TMEM132D: variants seen among roughly 807,000 people sequenced by gnomAD.
TMEM132D encodes transmembrane protein 132D, also known as mature OL transmembrane protein.
Under a neutral mutation model 62.3 loss-of-function variants are expected in TMEM132D, and 21 were observed. That is an observed-to-expected ratio of 0.34 (90% CI 0.24 to 0.49). The LOEUF (loss-of-function observed/expected upper bound fraction) is 0.49. TMEM132D is among the 20% of genes least tolerant of loss of function. TMEM132D has a pLI of 0.99. For missense variants in TMEM132D, 1,346 were observed against 1,402.8 expected (o/e 0.96, Z 0.65); for synonymous variants, 621 against 575.6 (o/e 1.08, Z -1.13).
intron 5 of TMEM132D, among the ~76,000 whole-genome samples, chr12:129,123,946 G>A (rs925075294): frequency 1.3e-5 from 2 of 152,038 alleles, no homozygotes; most frequent in South Asian, 2.1e-4. Flanking sequence ...CTCCACCACC[G>A]GCTTTCCAGG....
At chr12:129,189,493 G>C (rs1386907608) in intron 5 of TMEM132D, among the ~76,000 whole-genome samples, 1 of 152,102 alleles carries the variant, frequency 6.6e-6, no homozygotes, top group Admixed American at 6.5e-5. Context: ...TACCCTCCGG[G>C]GTCACTGCCA....
chr12:129,679,369 T>C (rs1880723936), intron 2 of TMEM132D, among the ~76,000 whole-genome samples: 1 of 152,122 alleles, frequency 6.6e-6, no homozygotes, highest in African/African-American at 2.4e-5. Flanking sequence ...TAACACAGGA[T>C]ACCCCTTCAA....
At chr12:129,381,170 C>A (rs1870940856) in intron 3 of TMEM132D, among the ~76,000 whole-genome samples, 2 of 152,310 alleles carry the variant, frequency 1.3e-5, no homozygotes, top group Non-Finnish European at 2.9e-5. Flanking sequence ...CCACTGTATT[C>A]AAAGCCATCG....
chr12:129,482,395 A>C (rs2137054257), intron 3 of TMEM132D, among the ~76,000 whole-genome samples: 1 of 152,360 alleles, frequency 6.6e-6, no homozygotes, highest in Admixed American at 6.5e-5. Context: ...ATGCTATATT[A>C]AATGAAAAAG....
At chr12:129,404,781 C>T (rs901279843) in intron 3 of TMEM132D, among the ~76,000 whole-genome samples, 4 of 152,120 alleles carry the variant, frequency 2.6e-5, no homozygotes, top group Admixed American at 6.5e-5. Flanking sequence ...TTAAGCCATT[C>T]GTGAGAGATC....
intron 1 of TMEM132D, among the ~76,000 whole-genome samples, chr12:129,830,010 C>G (rs919034852): frequency 1.3e-5 from 2 of 152,094 alleles, no homozygotes; most frequent in Non-Finnish European, 2.9e-5. Context: ...TGATCTCACT[C>G]AGCTCCAAGC....
chr12:129,180,123 G>A (rs1020144802), intron 5 of TMEM132D, among the ~76,000 whole-genome samples: 2 of 152,112 alleles, frequency 1.3e-5, no homozygotes, highest in Non-Finnish European at 2.9e-5. Flanking sequence ...GCCACATGCT[G>A]GGACTTTGAC....
chr12:129,261,598 C>T (rs1282754277), intron 4 of TMEM132D, among the ~76,000 whole-genome samples: 1 of 152,138 alleles, frequency 6.6e-6, no homozygotes, highest in African/African-American at 2.4e-5. Flanking sequence ...ATGATTTGAA[C>T]AACAGAAATT....
At chr12:129,280,193 C>T (rs1174939300) in intron 4 of TMEM132D, among the ~76,000 whole-genome samples, 1 of 152,144 alleles carries the variant, frequency 6.6e-6, no homozygotes, top group Non-Finnish European at 1.5e-5. Flanking sequence ...ACACATAGTA[C>T]AGGAGAGATA....
chr12:129,340,229 T>C (rs1209718134), intron 3 of TMEM132D, among the ~76,000 whole-genome samples: 1 of 152,210 alleles, frequency 6.6e-6, no homozygotes, highest in African/African-American at 2.4e-5. Flanking sequence ...AGCCAAGATG[T>C]AAAAGCAACA....
chr12:129,181,785 T>C (rs1878072736), intron 5 of TMEM132D, among the ~76,000 whole-genome samples: 1 of 152,242 alleles, frequency 6.6e-6, no homozygotes, highest in Admixed American at 6.5e-5. Flanking sequence ...ATCTCTGTGA[T>C]ATTTTTCTTG....
rs144317395 is a variant in TMEM132D at position 129,895,232 on chromosome 12, C to A, written c.79+8029G>T. Among the ~76,000 whole-genome samples, 884 of 152,274 alleles carry A rather than the reference C, an allele frequency of 5.8e-3. 12 individuals carry two copies. Among genetic ancestry groups the A allele is most frequent in the African/African-American group, 0.02 (842 of 41,564 alleles). On this transcript the variant is annotated intron_variant, in intron 1 of 8. Coordinates refer to ENST00000422113, the MANE Select transcript of TMEM132D (RefSeq NM_133448.3). ...AACAGTGCTGGGGTGAGCGCTAATC[C>A]CAGTGCCCAGCATCAGTAAGCACCG...
rs181655631 is a variant in TMEM132D at position 129,242,509 on chromosome 12, C to T, written c.1300-32846G>A. On this transcript the variant is annotated intron_variant, in intron 4 of 8. Transcript: ENST00000422113. ...CTTTTATTTTCAATATTTTTATGTC[C>T]TTATTTTTTAGTTTTTCTTCCCTGA... 3.1e-4 allele frequency among the ~76,000 whole-genome samples: 47 copies of T among 152,098 alleles called. No homozygotes were observed. In the East Asian group the frequency reaches 8.3e-3, roughly 27 times the overall value.
At chr12:129,896,154 TG>T (rs1230130293) in intron 1 of TMEM132D, among the ~76,000 whole-genome samples, 1 of 151,718 alleles carries the variant, frequency 6.6e-6, no homozygotes, top group Non-Finnish European at 1.5e-5. Flanking sequence ...TGTTTTGTTT[TG>T]TTTTGTTTTT....
intron 2 of TMEM132D, among the ~76,000 whole-genome samples, chr12:129,568,479 G>C (rs371468290): frequency 1.8e-4 from 27 of 152,234 alleles, no homozygotes; most frequent in African/African-American, 5.5e-4. Flanking sequence ...ACTGTCTCTT[G>C]GGAATTATCT....
intron 4 of TMEM132D, among the ~76,000 whole-genome samples, chr12:129,276,574 G>T (rs972694555): frequency 1.4e-4 from 21 of 152,172 alleles, no homozygotes; most frequent in African/African-American, 5.1e-4. Context: ...GTGCAGGCGT[G>T]TGATACATTT....
chr12:129,170,497 G>A (rs555063519), intron 5 of TMEM132D, among the ~76,000 whole-genome samples: 15 of 152,128 alleles, frequency 9.9e-5, no homozygotes, highest in Non-Finnish European at 1.9e-4. Flanking sequence ...ATTGCATTAT[G>A]TCTAGAAAAT....
intron 4 of TMEM132D, among the ~76,000 whole-genome samples, chr12:129,240,628 T>C (rs913815794): frequency 6.6e-6 from 1 of 152,242 alleles, no homozygotes; most frequent in Admixed American, 6.5e-5. Flanking sequence ...TGATTTTGAA[T>C]GTTAAATTCA....
At chr12:129,656,291 A>AGGG (rs142909035) in intron 2 of TMEM132D, among the ~76,000 whole-genome samples, 1 of 151,762 alleles carries the variant, frequency 6.6e-6, no homozygotes, top group African/African-American at 2.4e-5. Context: ...AAGGGAAGAG[A>AGGG]AGGAAGGAGA....
Sources: gnomAD v4.1 joint callset for allele counts (sites outside exome capture counted in the v4.1 genomes callset) on GRCh38, gnomAD v4.1.1 for gene constraint, MANE v1.5 for transcripts, NCBI Gene and HGNC (gene_info 2026-07-23, HGNC 2026-07-21) for gene names.